Variants in RNF217 observed in about 807,000 individuals in gnomAD.
The protein encoded by RNF217 is E3 ubiquitin-protein ligase RNF217.
Under a neutral mutation model 57.8 loss-of-function variants are expected in RNF217, and 31 were observed. The observed-to-expected ratio is 0.54, with a 90% CI of 0.40 to 0.72. The LOEUF is 0.72. RNF217 is among the 30% of genes least tolerant of loss of function. The pLI, the probability that RNF217 is intolerant of heterozygous loss-of-function variation, is 0.00. For missense variants in RNF217, 696 were observed against 708.3 expected, an observed-to-expected ratio of 0.98 and a Z score of 0.20; for synonymous variants, 313 against 294.0, an observed-to-expected ratio of 1.06 and a Z score of -0.66.
intron 4 of RNF217, among the ~76,000 whole-genome samples, chr6:125,081,215 T>A (rs973443796): frequency 6.6e-6 from 1 of 152,144 alleles, no homozygotes; most frequent in South Asian, 2.1e-4. Flanking sequence ...AAGTGATTTA[T>A]GTTTGATGCA....
At chr6:125,082,321 T>A in intron 5 of RNF217, 1 of 907,280 alleles carries the variant, frequency 1.1e-6, no homozygotes. Context: ...ATGATTTTCG[T>A]ATGTCAACTT....
At chr6:125,045,822 T>C (rs1333378731) in intron 2 of RNF217, among the ~76,000 whole-genome samples, 2 of 152,002 alleles carry the variant, frequency 1.3e-5, no homozygotes, top group African/African-American at 4.8e-5. Flanking sequence ...GTTCTGTCTA[T>C]AATAGGTAAA....
chr6:125,041,919 A>G (rs1786897430), intron 1 of RNF217, among the ~76,000 whole-genome samples: 2 of 152,104 alleles, frequency 1.3e-5, no homozygotes, highest in South Asian at 4.1e-4. Flanking sequence ...AAGAAAGTAA[A>G]AACACTGCAA....
chr6:125,032,466 AAT>A (rs201239570), intron 1 of RNF217, among the ~76,000 whole-genome samples: 2 of 151,304 alleles, frequency 1.3e-5, no homozygotes, highest in Admixed American at 6.6e-5. Context: ...CAAATATATA[AAT>A]ATATATATAT....
At chr6:125,062,691 G>A (rs1164021149) in intron 3 of RNF217, among the ~76,000 whole-genome samples, 1 of 151,784 alleles carries the variant, frequency 6.6e-6, no homozygotes, top group African/African-American at 2.4e-5. Flanking sequence ...ATTCTCCTGC[G>A]TCAGTCTCCC....
Position 125,082,981 on chromosome 6 carries a change from G to C in RNF217, c.*44G>C. ...CAGCTAAGCTGGTTGGAGTAGGAGC[G>C]ATACCAAAGGGTACACCCATCTGTG... On this transcript the variant is annotated 3_prime_UTR_variant, in exon 6 of 6. Transcript: ENST00000521654. The C allele has an allele frequency of 7.4e-7, 1 of 1,358,740 alleles. No homozygotes were observed. The highest frequency in any genetic ancestry group is 1.0e-6 in the Non-Finnish European group (1 of 981,100). 84.2% of individuals were successfully genotyped at this position (1,358,740 alleles called of 1,614,324 possible).
chr6:125,080,407 C>T (rs796200333), intron 4 of RNF217, among the ~76,000 whole-genome samples: 23 of 152,198 alleles, frequency 1.5e-4, no homozygotes, highest in African/African-American at 5.3e-4. Context: ...TATGTTTTGA[C>T]AAACTTCCAA....
At chr6:125,078,981 C>A (rs568700750) in intron 4 of RNF217, among the ~76,000 whole-genome samples, 2 of 152,174 alleles carry the variant, frequency 1.3e-5, no homozygotes, top group African/African-American at 4.8e-5. Context: ...AAAGCCCTCC[C>A]ACCCACTGTC....
At chr6:125,010,466 G>A (rs1488414811) in intron 1 of RNF217, among the ~76,000 whole-genome samples, 1 of 152,146 alleles carries the variant, frequency 6.6e-6, no homozygotes, top group Admixed American at 6.5e-5. Flanking sequence ...TCATGAAATA[G>A]CTCAAAGGAG....
chr6:124,979,293 G>A (rs1234374308), intron 1 of RNF217, among the ~76,000 whole-genome samples: 5 of 152,198 alleles, frequency 3.3e-5, no homozygotes, highest in African/African-American at 1.2e-4. Flanking sequence ...TTAGAACTTG[G>A]CTATTGTCTG....
rs1783384175 is a variant in RNF217, at chr6:124,963,346, G to A, written c.802G>A (p.Glu268Lys). The A allele has an allele frequency of 2.0e-6, 3 of 1,533,760 alleles. No homozygotes were observed. Among genetic ancestry groups the A allele is most frequent in the Non-Finnish European group, 2.6e-6 (3 of 1,145,738 alleles). The stretch of plus-strand genomic sequence containing the variant: ...GGTGCTGATGTGCCGGGTGTGCCTG[G>A]AAGACAAGCCCATCAAGCCCCTGCC... ...LMVLMCRVCL[E>K]DKPIKPLPCC... Residue 268 changes from glutamate (E) to lysine (K), a missense_variant, in exon 1 of 6, where the codon GAA becomes AAA. Physicochemically the swap from Glu to Lys is moderately conservative, Grantham distance 56. Transcript: ENST00000521654.
rs149823293 is a variant in RNF217 at position 125,058,798 on chromosome 6, A to G, written c.1281+692A>G. 5.5e-3 allele frequency among the ~76,000 whole-genome samples: 839 copies of G among 152,310 alleles called. 9 individuals are homozygous for G. Among genetic ancestry groups the G allele is most frequent in the African/African-American group, 0.019 (804 of 41,574 alleles). The stretch of plus-strand genomic sequence containing the variant: ...CCAGAAAACTTTGGACTTGATGTCT[A>G]TAGTATAGGGATCTGTTGAAGTTTG... On this transcript the variant is annotated intron_variant, in intron 3 of 5. Coordinates refer to ENST00000521654, the MANE Select transcript of RNF217 (RefSeq NM_001286398.3).
At chr6:124,989,389 G>T (rs4896649) in intron 1 of RNF217, among the ~76,000 whole-genome samples, 34,158 of 152,018 alleles carry the variant, frequency 0.22, 4,564 homozygotes, top group East Asian at 0.4. Flanking sequence ...TTTGACGTAT[G>T]CAATAGTAAT....
Position 125,083,348 on chromosome 6 carries a change from T to G in RNF217, c.*411T>G, listed in dbSNP as rs193097332. ...CTTGGTGTTAATAGCTGAAGTCCTA[T>G]CTGTACCAACAAGCAAGGCCACTTT... On this transcript the variant is annotated 3_prime_UTR_variant, in exon 6 of 6. Transcript: ENST00000521654. The G allele has an allele frequency of 6.5e-6, 1 of 154,948 alleles. No homozygotes were observed. The highest frequency in any genetic ancestry group is 2.4e-5 in the African/African-American group (1 of 41,646). The allele number at this position is 154,948 out of a possible 1,614,324, so 9.6% of individuals were successfully genotyped here. A position where few individuals can be genotyped will look rare whatever the true frequency, so the allele number is the denominator to read the frequency against.
In RNF217 at chr6:124,962,946, GCCCAGGAC is replaced by G; in HGVS notation, c.405_412del (p.Thr137GlyfsTer172). On this transcript the variant is annotated frameshift_variant, in exon 1 of 6. Coordinates refer to ENST00000521654, the MANE Select transcript of RNF217 (RefSeq NM_001286398.3). LOFTEE classifies it high-confidence loss of function. The surrounding 1 kb of genome is among the most constrained non-coding windows in gnomAD (Gnocchi z 4.6). The stretch of plus-strand genomic sequence containing the variant: ...AGGCGCCCCCCGGCGAAGAGCTGGA[GCCCAGGAC>G]CCGCGTGGGGGCCGCCGACGGACTG... The G allele has an allele frequency of 6.3e-7, 1 of 1,597,800 alleles. No individual in the cohort carries two copies. Among genetic ancestry groups the G allele is most frequent in the Non-Finnish European group, 8.5e-7 (1 of 1,179,570 alleles).
chr6:125,042,515 T>C (rs1478048680), intron 1 of RNF217, among the ~76,000 whole-genome samples: 3 of 152,012 alleles, frequency 2.0e-5, no homozygotes, highest in Non-Finnish European at 4.4e-5. Context: ...TTTGGAGCCT[T>C]GAGAAAGAAG....
intron 1 of RNF217, among the ~76,000 whole-genome samples, chr6:124,973,374 C>T (rs1783833518): frequency 6.6e-6 from 1 of 152,156 alleles, no homozygotes; most frequent in South Asian, 2.1e-4. Flanking sequence ...GAGTCCTTTT[C>T]ACTCTGCCAC....
At chr6:124,978,278 C>T (rs543343543) in intron 1 of RNF217, among the ~76,000 whole-genome samples, 2 of 152,102 alleles carry the variant, frequency 1.3e-5, no homozygotes, top group South Asian at 2.1e-4. Context: ...GCCTGGACCT[C>T]GCTCAGGGAC....
At chr6:124,971,749 C>T (rs559547252) in intron 1 of RNF217, among the ~76,000 whole-genome samples, 16 of 152,354 alleles carry the variant, frequency 1.1e-4, no homozygotes, top group Middle Eastern at 3.4e-3. Flanking sequence ...CCACGGCACC[C>T]GGCCGATTTA....
Sources: allele counts gnomAD v4.1 joint callset (sites outside exome capture counted in the v4.1 genomes callset), GRCh38; gene constraint gnomAD v4.1.1; non-coding constraint Gnocchi (gnomAD v3.1); transcripts MANE v1.5; gene names NCBI Gene and HGNC (gene_info 2026-07-23, HGNC 2026-07-21).